Variants in CBLB observed in about 807,000 individuals in gnomAD.
The protein encoded by CBLB is E3 ubiquitin-protein ligase CBL-B.
Under a neutral mutation model 104.9 loss-of-function variants are expected in CBLB, and 31 were observed. The observed-to-expected ratio is 0.30, with a 90% CI of 0.22 to 0.40. The LOEUF (loss-of-function observed/expected upper bound fraction) is 0.40. Among genes scored for constraint, CBLB ranks in the 10% least tolerant of loss-of-function variants. CBLB has a pLI of 1.00. For synonymous variants in CBLB, 440 were observed against 422.6 expected (o/e 1.04, Z -0.51); for missense variants, 1,062 against 1,214.6 (o/e 0.87, Z 1.87).
chr3:105,744,912 G>A (rs1380850500), intron 6 of CBLB, among the ~76,000 whole-genome samples: 1 of 152,100 alleles, frequency 6.6e-6, no homozygotes, highest in East Asian at 1.9e-4. Context: ...CCTGGTGACA[G>A]AGCAAGACTC....
At chr3:105,703,784 G>A (rs1170635243) in intron 11 of CBLB, among the ~76,000 whole-genome samples, 1 of 152,098 alleles carries the variant, frequency 6.6e-6, no homozygotes, top group Non-Finnish European at 1.5e-5. Context: ...ACAGACATAT[G>A]CTCTCTGCAA....
chr3:105,856,556 C>T (rs934552502), intron 2 of CBLB, among the ~76,000 whole-genome samples: 2 of 151,948 alleles, frequency 1.3e-5, no homozygotes, highest in South Asian at 2.1e-4. Context: ...TTGCTGAGTA[C>T]ATAACCAACA....
Position 105,736,892 on chromosome 3 carries a change from A to C in CBLB, c.1071+279T>G, listed in dbSNP as rs1374961790. ...TCTTTTTTTGGTAGCTTTCTAAACT[A>C]TGGCTCTCTCCTTACATCCACCTAC... On this transcript the variant is annotated intron_variant, in intron 8 of 18. Coordinates refer to ENST00000394030, the MANE Select transcript of CBLB (RefSeq NM_170662.5). Among the ~76,000 whole-genome samples, 4 of 152,066 alleles carry C rather than the reference A, an allele frequency of 2.6e-5. No individual in the cohort carries two copies. The East Asian group carries it at 7.7e-4, about 29-fold the overall frequency.
At chr3:105,752,876 GGCTGCTGCT>G (rs145271457) in intron 4 of CBLB, among the ~76,000 whole-genome samples, 1 of 152,198 alleles carries the variant, frequency 6.6e-6, no homozygotes, top group South Asian at 2.1e-4. Context: ...TGTTCCCTGA[GGCTGCTGCT>G]GCTGCTGCTG....
At chr3:105,662,509 T>C (rs560892274) in intron 18 of CBLB, among the ~76,000 whole-genome samples, 10 of 152,332 alleles carry the variant, frequency 6.6e-5, no homozygotes, top group East Asian at 3.9e-4. Context: ...TTATGAGTAA[T>C]TGCAGTGGTA....
chr3:105,663,883 G>T (rs1390879281), intron 18 of CBLB, among the ~76,000 whole-genome samples: 1 of 139,892 alleles, frequency 7.1e-6, no homozygotes, highest in Non-Finnish European at 1.5e-5. Context: ...TTTCATTATT[G>T]CTGGGGACAG....
intron 3 of CBLB, among the ~76,000 whole-genome samples, chr3:105,840,509 T>C (rs28533328): frequency 0.67 from 101,248 of 152,130 alleles, 34,946 homozygotes; most frequent in Middle Eastern, 0.8. Context: ...AAATGAGTCC[T>C]CCCGAAACAA....
At chr3:105,864,231 T>C (rs1049308526) in intron 2 of CBLB, among the ~76,000 whole-genome samples, 1 of 152,234 alleles carries the variant, frequency 6.6e-6, no homozygotes, top group Non-Finnish European at 1.5e-5. Context: ...TATCCATTTA[T>C]GTGTTTGGCT....
At chr3:105,775,551 C>A (rs542584827) in intron 4 of CBLB, among the ~76,000 whole-genome samples, 1 of 152,168 alleles carries the variant, frequency 6.6e-6, no homozygotes, top group African/African-American at 2.4e-5. Flanking sequence ...TCCTTACTTA[C>A]TCAGCCAGGG....
chr3:105,666,175 C>A (rs1255554464), intron 18 of CBLB, among the ~76,000 whole-genome samples: 1 of 151,974 alleles, frequency 6.6e-6, no homozygotes, highest in Non-Finnish European at 1.5e-5. Context: ...ACTTAGTAAA[C>A]CAGTGACAAT....
At chr3:105,792,857 G>T (rs4894951) in intron 3 of CBLB, among the ~76,000 whole-genome samples, 2 of 152,294 alleles carry the variant, frequency 1.3e-5, no homozygotes, top group East Asian at 3.9e-4. Flanking sequence ...ATCCATCTGC[G>T]GTGTCTAGTT....
chr3:105,802,449 T>C (rs1473914391), intron 3 of CBLB, among the ~76,000 whole-genome samples: 1 of 152,090 alleles, frequency 6.6e-6, no homozygotes, highest in Non-Finnish European at 1.5e-5. Context: ...TTCTCCAGAG[T>C]TGCCAACTAA....
At chr3:105,814,603 C>T (rs868701274) in intron 3 of CBLB, among the ~76,000 whole-genome samples, 1 of 54,764 alleles carries the variant, frequency 1.8e-5, no homozygotes, top group South Asian at 7.8e-4. Flanking sequence ...CTTGAAATCA[C>T]TCTTGTGTCC....
At chr3:105,669,639 G>A (rs576157066) in intron 18 of CBLB, among the ~76,000 whole-genome samples, 41 of 152,198 alleles carry the variant, frequency 2.7e-4, no homozygotes, top group Admixed American at 2.3e-3. Context: ...AAGTAGTGAC[G>A]GGTGCTATGA....
At chr3:105,752,206 T>A (rs2076654988) in intron 4 of CBLB, among the ~76,000 whole-genome samples, 1 of 152,216 alleles carries the variant, frequency 6.6e-6, no homozygotes, top group African/African-American at 2.4e-5. Flanking sequence ...CCAACCACAA[T>A]GGTTATATCA....
intron 3 of CBLB, among the ~76,000 whole-genome samples, chr3:105,792,011 A>G (rs1391262069): frequency 6.6e-6 from 1 of 152,210 alleles, no homozygotes; most frequent in Non-Finnish European, 1.5e-5. Context: ...TTTTATTTAA[A>G]TAAGTGTCTA....
intron 4 of CBLB, among the ~76,000 whole-genome samples, chr3:105,762,680 G>A (rs117855473): frequency 0.022 from 3,409 of 152,298 alleles, 89 homozygotes; most frequent in East Asian, 0.12. Context: ...TTGCTGCAGG[G>A]GCAGGGCTCT....
At chr3:105,733,878 A>G in intron 9 of CBLB, 131 bp downstream of exon 9, 1 of 760,722 alleles carries the variant, frequency 1.3e-6, no homozygotes, top group Non-Finnish European at 2.2e-6. Flanking sequence ...CAACTCAAAC[A>G]TATAAAATCT....
At chr3:105,785,327 C>G (rs1229001562) in intron 3 of CBLB, among the ~76,000 whole-genome samples, 26 of 152,226 alleles carry the variant, frequency 1.7e-4, no homozygotes, top group Non-Finnish European at 4.4e-5. Context: ...TTAACCAAAA[C>G]CCACTTTAAC....
Sources: gnomAD v4.1 joint callset for allele counts (sites outside exome capture counted in the v4.1 genomes callset) on GRCh38, gnomAD v4.1.1 for gene constraint, MANE v1.5 for transcripts, NCBI Gene and HGNC (gene_info 2026-07-23, HGNC 2026-07-21) for gene names.